GRM8: variants seen among roughly 807,000 people sequenced by gnomAD.
GRM8 encodes metabotropic glutamate receptor 8.
A neutral mutation model predicts 87.2 loss-of-function variants in GRM8; 47 were observed. The observed-to-expected ratio is 0.54, with a 90% CI of 0.43 to 0.69. GRM8 has a LOEUF of 0.69. Ranked by LOEUF, GRM8 falls within the 30% of genes least tolerant of loss-of-function variation. GRM8 has a pLI of 0.00. For synonymous variants in GRM8, 396 were observed against 404.5 expected (o/e 0.98, Z 0.25); for missense variants, 1,019 against 1,139.2 (o/e 0.89, Z 1.52).
At position 126,659,578 on chromosome 7, in the gene GRM8, G is replaced by A. The variant is rs540621612; in HGVS notation, c.1358-50080C>T. ...TAACAATTTGGTGCACTACATACTA[G>A]TATTTAATTCATATGCAGATCTGTG... On this transcript the variant is annotated intron_variant, in intron 7 of 10. Coordinates refer to ENST00000339582, the MANE Select transcript of GRM8 (RefSeq NM_000845.3). 7.9e-4 allele frequency among the ~76,000 whole-genome samples: 120 copies of A among 152,272 alleles called. 2 individuals are homozygous for A. In the South Asian group the frequency reaches 0.023, roughly 29 times the overall value.
chr7:127,131,077 C>T (rs1339279788), intron 2 of GRM8, among the ~76,000 whole-genome samples: 3 of 152,122 alleles, frequency 2.0e-5, no homozygotes, highest in Non-Finnish European at 4.4e-5. Context: ...GCCCAAGAAA[C>T]CTTAGTGCAG....
At chr7:127,132,866 T>C (rs1218139450) in intron 2 of GRM8, among the ~76,000 whole-genome samples, 1 of 152,166 alleles carries the variant, frequency 6.6e-6, no homozygotes, top group Non-Finnish European at 1.5e-5. Context: ...GCACATAGCA[T>C]GATCAGTCCC....
intron 3 of GRM8, among the ~76,000 whole-genome samples, chr7:126,993,169 A>G (rs1296234684): frequency 2.0e-5 from 3 of 152,162 alleles, no homozygotes; most frequent in Non-Finnish European, 4.4e-5. Context: ...CTAGGCCTAT[A>G]TGACCCAAGA....
At chr7:126,545,573 A>C (rs73722647) in intron 8 of GRM8, among the ~76,000 whole-genome samples, 1 of 152,138 alleles carries the variant, frequency 6.6e-6, no homozygotes, top group Non-Finnish European at 1.5e-5. Flanking sequence ...TTAATGTGAT[A>C]TTTTTGTGAA....
intron 6 of GRM8, among the ~76,000 whole-genome samples, chr7:126,895,615 CA>C (rs1801468961): frequency 6.6e-6 from 1 of 151,860 alleles, no homozygotes; most frequent in African/African-American, 2.4e-5. Flanking sequence ...TCTAATTTAG[CA>C]ATGTGAACTG....
At chr7:126,606,951 G>C (rs1177589516) in intron 8 of GRM8, among the ~76,000 whole-genome samples, 1 of 152,196 alleles carries the variant, frequency 6.6e-6, no homozygotes, top group Admixed American at 6.5e-5. Flanking sequence ...TTGTATGTTA[G>C]TGTATATATT....
chr7:126,835,134 G>A (rs1359888561), intron 6 of GRM8, among the ~76,000 whole-genome samples: 1 of 150,906 alleles, frequency 6.6e-6, no homozygotes. Context: ...TTATAACACT[G>A]AGAATTAAAA....
At chr7:126,626,408 T>C (rs748584205) in intron 7 of GRM8, among the ~76,000 whole-genome samples, 21 of 152,174 alleles carry the variant, frequency 1.4e-4, no homozygotes, top group Non-Finnish European at 2.1e-4. Flanking sequence ...CCTACCATAG[T>C]AGGTAAGGGA....
chr7:126,902,761 T>G, intron 5 of GRM8, 82 bp from the exon 6 acceptor site: 2 of 958,812 alleles, frequency 2.1e-6, no homozygotes, highest in Non-Finnish European at 3.1e-6. Context: ...CATTATATTC[T>G]GATCACTGCA....
At chr7:126,816,779 T>C (rs1793827796) in intron 6 of GRM8, among the ~76,000 whole-genome samples, 1 of 150,664 alleles carries the variant, frequency 6.6e-6, no homozygotes, top group Admixed American at 6.6e-5. Flanking sequence ...TAGTGTAGCG[T>C]ATAATTTCAA....
intron 8 of GRM8, among the ~76,000 whole-genome samples, chr7:126,603,446 G>T (rs1162839801): frequency 6.6e-6 from 1 of 151,622 alleles, no homozygotes; most frequent in East Asian, 1.9e-4. Flanking sequence ...AAGTCAAATT[G>T]TCACTGTTTG....
intron 2 of GRM8, among the ~76,000 whole-genome samples, chr7:127,161,494 G>C (rs984486385): frequency 6.6e-6 from 1 of 152,162 alleles, no homozygotes; most frequent in Non-Finnish European, 1.5e-5. Context: ...GTCAGCTCTA[G>C]CTAGGGAAGC....
intron 2 of GRM8, among the ~76,000 whole-genome samples, chr7:127,129,315 G>C (rs1361998752): frequency 6.6e-6 from 1 of 152,096 alleles, no homozygotes; most frequent in East Asian, 1.9e-4. Context: ...CTTAATTTAT[G>C]AAAAGATATT....
At chr7:126,835,202 A>G (rs1795736873) in intron 6 of GRM8, among the ~76,000 whole-genome samples, 1 of 152,244 alleles carries the variant, frequency 6.6e-6, no homozygotes, top group Admixed American at 6.5e-5. Context: ...TTTAAATACA[A>G]ATACATGAAA....
At chr7:126,910,079 T>C (rs1479430062) in intron 3 of GRM8, among the ~76,000 whole-genome samples, 1 of 152,124 alleles carries the variant, frequency 6.6e-6, no homozygotes, top group Non-Finnish European at 1.5e-5. Context: ...CCTTCTGTTA[T>C]CCTAAATAAG....
At chr7:126,818,053 T>C (rs1303780085) in intron 6 of GRM8, among the ~76,000 whole-genome samples, 1 of 152,192 alleles carries the variant, frequency 6.6e-6, no homozygotes, top group African/African-American at 2.4e-5. Context: ...TGACTCTTTT[T>C]GTGAACAGCA....
chr7:126,824,031 A>G (rs1402516154), intron 6 of GRM8, among the ~76,000 whole-genome samples: 1 of 152,232 alleles, frequency 6.6e-6, no homozygotes, highest in Non-Finnish European at 1.5e-5. Context: ...TTGCATAAAA[A>G]TAACACTTTT....
intron 2 of GRM8, among the ~76,000 whole-genome samples, chr7:127,223,288 C>T (rs1165276839): frequency 2.0e-5 from 3 of 151,942 alleles, no homozygotes; most frequent in Admixed American, 6.6e-5. Context: ...CTGGAAACAC[C>T]AATACACATA....
At chr7:126,714,117 A>G (rs1811445140) in intron 7 of GRM8, among the ~76,000 whole-genome samples, 1 of 150,924 alleles carries the variant, frequency 6.6e-6, no homozygotes, top group Non-Finnish European at 1.5e-5. Context: ...ACTAAAAAAA[A>G]AAATACAAAA....
Sources: gnomAD v4.1 joint callset for allele counts (sites outside exome capture counted in the v4.1 genomes callset) on GRCh38, gnomAD v4.1.1 for gene constraint, MANE v1.5 for transcripts, NCBI Gene and HGNC (gene_info 2026-07-23, HGNC 2026-07-21) for gene names.